GRIA2: variants seen among roughly 807,000 people sequenced by gnomAD.
The protein encoded by GRIA2 is glutamate receptor 2.
Under a neutral mutation model 97.3 loss-of-function variants are expected in GRIA2, and 14 were observed. The observed-to-expected ratio is 0.14, with a 90% CI of 0.10 to 0.23. The LOEUF is 0.23. Among genes scored for constraint, GRIA2 ranks in the 10% least tolerant of loss-of-function variants. GRIA2 has a pLI of 1.00. For missense variants in GRIA2, 558 were observed against 1,069.8 expected, an observed-to-expected ratio of 0.52 and a Z score of 6.67; for synonymous variants, 412 against 387.8, an observed-to-expected ratio of 1.06 and a Z score of -0.73.
intron 3 of GRIA2, among the ~76,000 whole-genome samples, chr4:157,309,310 C>T (rs913755902): frequency 4.7e-5 from 7 of 150,302 alleles, no homozygotes; most frequent in African/African-American, 1.7e-4. Context: ...ACTTTTGACA[C>T]GTAGAACAAA....
chr4:157,360,077 T>C lies in GRIA2; in HGVS notation c.2225T>C (p.Met742Thr). 6.2e-7 allele frequency: 1 copy of C among 1,613,882 alleles called. No individual in the cohort carries two copies. The highest frequency in any genetic ancestry group is 8.5e-7 in the Non-Finnish European group (1 of 1,179,866). The change falls in exon 13 of 16, where the codon ATG becomes ACG. Residue 742 changes from methionine to threonine, a missense_variant. Met to Thr is a moderately conservative substitution (Grantham distance 81). Around this residue, in one of 8 missense-constraint regions of GRIA2, gnomAD observed 125 missense variants for 310.2 expected, o/e 0.40. Transcript: ENST00000264426. ...GAGCAAAGGAAGCCTTGCGACACCA[T>C]GAAAGTTGGTGGAAACCTGGATTCC... ...YIEQRKPCDT[M>T]KVGGNLDSKG...
intron 12 of GRIA2, among the ~76,000 whole-genome samples, chr4:157,346,085 T>G: frequency 6.6e-6 from 1 of 152,142 alleles, no homozygotes; most frequent in Non-Finnish European, 1.5e-5. Flanking sequence ...TACTATATAA[T>G]CAATATTACA....
In GRIA2 at chr4:157,361,034, A is replaced by G. The variant is rs768338897; in HGVS notation, c.2316A>G (p.Leu772=). ...GAAATGCGGTTAACCTCGCAGTACTAAAACTGAATGAACAAGGCCTGTTGG... is the reference window on the plus strand; with the variant it reads ...GAAATGCGGTTAACCTCGCAGTACTGAAACTGAATGAACAAGGCCTGTTGG... ...SLRNAVNLAV[L]KLNEQGLLDK... Residue 772 remains leucine (L), a synonymous_variant, in exon 14 of 16, where the codon CTA becomes CTG. Coordinates refer to ENST00000264426, the MANE Select transcript of GRIA2 (RefSeq NM_001083619.3). This position sits in a 1 kb window ranked among gnomAD's most constrained non-coding sequence, Gnocchi z 5.2. 1 of 1,612,782 alleles carries G rather than the reference A, an allele frequency of 6.2e-7. No homozygotes were observed. Among genetic ancestry groups the G allele is most frequent in the Non-Finnish European group, 8.5e-7 (1 of 1,178,844 alleles).
At chr4:157,344,595 C>T (rs990096936) in intron 12 of GRIA2, among the ~76,000 whole-genome samples, 3 of 152,142 alleles carry the variant, frequency 2.0e-5, no homozygotes, top group African/African-American at 7.2e-5. Flanking sequence ...ACTTGCTAAT[C>T]TTTAAAGTTC....
intron 6 of GRIA2, among the ~76,000 whole-genome samples, chr4:157,328,876 G>T (rs904124957): frequency 6.6e-6 from 1 of 151,952 alleles, no homozygotes; most frequent in African/African-American, 2.4e-5. Context: ...AATAATAAAA[G>T]ATGTTAATTT....
chr4:157,301,254 C>T (rs916347286), intron 2 of GRIA2, among the ~76,000 whole-genome samples: 6 of 152,102 alleles, frequency 3.9e-5, no homozygotes, highest in Non-Finnish European at 8.8e-5. Context: ...GCAGAGTTTT[C>T]CTAGGTGAGA....
chr4:157,355,547 G>T (rs1736214489), intron 12 of GRIA2, among the ~76,000 whole-genome samples: 1 of 138,932 alleles, frequency 7.2e-6, no homozygotes, highest in African/African-American at 2.7e-5. Context: ...AAAATACACA[G>T]TCTTCCTTGG....
In GRIA2 at chr4:157,362,926, G is replaced by C; in HGVS notation, c.2534G>C (p.Arg845Pro). The C allele has an allele frequency of 6.2e-7, 1 of 1,613,600 alleles. No homozygotes were observed. The highest frequency in any genetic ancestry group is 8.5e-7 in the Non-Finnish European group (1 of 1,179,664). The part of the protein sequence containing the change: ...FCYKSRAEAK[R>P]MKVAKNAQNI... ...TACAAGTCAAGGGCCGAGGCGAAAC[G>C]AATGAAGGTGGCAAAGAATGCACAG... Residue 845 changes from arginine to proline, a missense_variant, in exon 15 of 16, where the codon CGA becomes CCA. Physicochemically the swap from Arg to Pro is moderately radical, Grantham distance 103. This residue lies in a region of GRIA2 where 54 missense variants were observed against 82.1 expected (regional missense o/e 0.66). Transcript: ENST00000264426.
intron 6 of GRIA2, among the ~76,000 whole-genome samples, chr4:157,328,745 T>G (rs556568389): frequency 6.6e-6 from 1 of 152,054 alleles, no homozygotes; most frequent in South Asian, 2.1e-4. Context: ...TGTAAGATTT[T>G]CAGTAAAGAT....
chr4:157,360,601 G>A (rs990177923), intron 13 of GRIA2: 1 of 430,720 alleles, frequency 2.3e-6, no homozygotes, highest in African/African-American at 2.1e-5. Flanking sequence ...TTTGTTTAAG[G>A]GATATACTTT....
intron 12 of GRIA2, among the ~76,000 whole-genome samples, chr4:157,344,415 T>G: frequency 6.6e-6 from 1 of 152,074 alleles, no homozygotes; most frequent in East Asian, 1.9e-4. Context: ...GCTGACAGAC[T>G]GATTATTATG....
At chr4:157,320,467 C>T (rs970186166) in intron 5 of GRIA2, among the ~76,000 whole-genome samples, 5 of 151,986 alleles carry the variant, frequency 3.3e-5, no homozygotes, top group Non-Finnish European at 2.9e-5. Context: ...AACATACCTA[C>T]GGTAAAACAG....
chr4:157,249,021 T>C (rs893447536), intron 2 of GRIA2, among the ~76,000 whole-genome samples: 1 of 151,742 alleles, frequency 6.6e-6, no homozygotes, highest in Admixed American at 6.6e-5. Context: ...AAATGTTTTG[T>C]AAACATGAAG....
Position 157,355,924 on chromosome 4 carries a change from T to TATATATTA in GRIA2, c.2044-3966_2044-3965insTAATATAT, listed in dbSNP as rs1736292141. ...ATAAATATATATATATTAATATATT[T>TATATATTA]ATATATATTTATATATTAATATATA... On this transcript the variant is annotated intron_variant, in intron 12 of 15. Transcript: ENST00000264426. Among the ~76,000 whole-genome samples the TATATATTA allele has an allele frequency of 2.6e-4, 4 of 15,106 alleles. 1 individual carries two copies. The highest frequency in any genetic ancestry group is 2.9e-3 in the East Asian group (1 of 340). 9.9% of individuals were successfully genotyped at this position (15,106 alleles called of 152,430 possible).
intron 12 of GRIA2, among the ~76,000 whole-genome samples, chr4:157,356,174 T>G (rs1736362303): frequency 7.5e-6 from 1 of 133,826 alleles, no homozygotes; most frequent in Admixed American, 8.7e-5. Context: ...TATTTATATA[T>G]ATTTATATAT....
At chr4:157,277,654 A>C (rs1025923955) in intron 2 of GRIA2, among the ~76,000 whole-genome samples, 1 of 151,448 alleles carries the variant, frequency 6.6e-6, no homozygotes, top group Non-Finnish European at 1.5e-5. Context: ...AAACTCCTGG[A>C]ACTAATAAAT....
At chr4:157,281,068 A>T (rs754589149) in intron 2 of GRIA2, among the ~76,000 whole-genome samples, 2 of 152,012 alleles carry the variant, frequency 1.3e-5, no homozygotes. Context: ...AAAAAATAAC[A>T]GTTTTTCCAT....
chr4:157,315,262 C>T (rs994648892), intron 4 of GRIA2, among the ~76,000 whole-genome samples: 14 of 150,792 alleles, frequency 9.3e-5, no homozygotes, highest in African/African-American at 3.4e-4. Flanking sequence ...ATGGGATACA[C>T]TATAAATGAA....
chr4:157,319,612 T>C (rs953258066), intron 5 of GRIA2, among the ~76,000 whole-genome samples: 1 of 152,132 alleles, frequency 6.6e-6, no homozygotes, highest in Non-Finnish European at 1.5e-5. Flanking sequence ...CACTTGGAAA[T>C]TTTACTGACA....
Sources: gnomAD v4.1 joint callset for allele counts (sites outside exome capture counted in the v4.1 genomes callset) on GRCh38, gnomAD v4.1.1 for gene constraint, gnomAD v4.1.1 regional missense constraint, Gnocchi (gnomAD v3.1) non-coding constraint, MANE v1.5 for transcripts, NCBI Gene and HGNC (gene_info 2026-07-23, HGNC 2026-07-21) for gene names.